RPS6KA5: variants seen among roughly 807,000 people sequenced by gnomAD.
RPS6KA5 encodes the protein ribosomal protein S6 kinase A5, also known as ribosomal protein S6 kinase alpha-5.
RPS6KA5 carries 27 observed loss-of-function variants against 85.5 expected under a neutral mutation model. That is an observed-to-expected ratio of 0.32 (90% CI 0.23 to 0.44). The LOEUF (loss-of-function observed/expected upper bound fraction) is 0.44, where lower values mean the gene tolerates loss of function less well. Ranked by LOEUF, RPS6KA5 falls within the 20% of genes least tolerant of loss-of-function variation. The probability of loss-of-function intolerance (pLI) is 1.00; values close to 1 mark genes in which losing one functional copy is unlikely to be tolerated. For missense variants in RPS6KA5, 811 were observed against 980.9 expected, an observed-to-expected ratio of 0.83 and a Z score of 2.31; for synonymous variants, 334 against 348.2, an observed-to-expected ratio of 0.96 and a Z score of 0.46.
At chr14:90,954,137 CTCTT>C (rs2038379359) in intron 3 of RPS6KA5, among the ~76,000 whole-genome samples, 1 of 152,216 alleles carries the variant, frequency 6.6e-6, no homozygotes, top group Non-Finnish European at 1.5e-5. Flanking sequence ...TGTTCTCTTT[CTCTT>C]TATTTCTCAG....
chr14:90,968,713 C>T (rs2039187713), intron 3 of RPS6KA5, among the ~76,000 whole-genome samples: 1 of 152,136 alleles, frequency 6.6e-6, no homozygotes, highest in Non-Finnish European at 1.5e-5. Flanking sequence ...CAAAAACTGC[C>T]TCTATGGATC....
intron 1 of RPS6KA5, among the ~76,000 whole-genome samples, chr14:91,014,735 A>T (rs1233697213): frequency 6.6e-6 from 1 of 152,072 alleles, no homozygotes; most frequent in Non-Finnish European, 1.5e-5. Flanking sequence ...TACATCCTCT[A>T]AAAAAATCCC....
rs1413176660 is a variant in RPS6KA5 at position 90,873,596 on chromosome 14, C to G, written c.2160+36G>C. ...AGAACATTTGATTATGATTCCTACT[C>G]AAACCGCCCAACATGTACAGAGCAC... On this transcript the variant is annotated intron_variant, in intron 16 of 16. Coordinates refer to ENST00000614987, the MANE Select transcript of RPS6KA5 (RefSeq NM_004755.4). 3.9e-6 allele frequency: 6 copies of G among 1,550,570 alleles called. No homozygotes were observed. In the African/African-American group the frequency reaches 8.2e-5, roughly 21 times the overall value.
chr14:90,993,282 A>G (rs565753353), intron 2 of RPS6KA5, among the ~76,000 whole-genome samples: 95 of 152,318 alleles, frequency 6.2e-4, no homozygotes, highest in African/African-American at 2.1e-3. Context: ...TCTACTAAAA[A>G]TACAAAAATT....
At chr14:91,040,850 AC>A (rs1046717052) in intron 1 of RPS6KA5, among the ~76,000 whole-genome samples, 1 of 152,198 alleles carries the variant, frequency 6.6e-6, no homozygotes, top group Non-Finnish European at 1.5e-5. Flanking sequence ...TTAGATTCAA[AC>A]TGAGACATTT....
At chr14:90,939,302 A>T (rs1038801728) in intron 5 of RPS6KA5, among the ~76,000 whole-genome samples, 4 of 152,132 alleles carry the variant, frequency 2.6e-5, no homozygotes, top group Non-Finnish European at 5.9e-5. Flanking sequence ...TTTTACTCAA[A>T]GCCATTCAAC....
rs1316268142 is a variant in RPS6KA5, at chr14:90,902,934, C to T, written c.993G>A (p.Val331=). The change falls in exon 9 of 17, where the codon GTG becomes GTA. Residue 331 remains valine (V), a synonymous_variant. Transcript: ENST00000614987. The part of the protein sequence containing the change: ...INWDDLAAKK[V]PAPFKPVIRD... ...GAATGACTGGCTTAAATGGTGCAGGCACTTTTTTGGCGGCTAAATCATCCC... is the reference window on the plus strand; with the variant it reads ...GAATGACTGGCTTAAATGGTGCAGGTACTTTTTTGGCGGCTAAATCATCCC... 3.1e-6 allele frequency: 5 copies of T among 1,613,324 alleles called. No individual in the cohort carries two copies. The highest frequency in any genetic ancestry group is 4.2e-6 in the Non-Finnish European group (5 of 1,179,632).
chr14:90,920,396 G>A, intron 6 of RPS6KA5, 87 bp from the exon 7 acceptor site: 1 of 945,548 alleles, frequency 1.1e-6, no homozygotes, highest in Admixed American at 2.2e-5. Flanking sequence ...CTATCTATTA[G>A]GAAAATGTTT....
chr14:90,957,343 TCATGAGC>T (rs1350023025), intron 3 of RPS6KA5, among the ~76,000 whole-genome samples: 3 of 152,166 alleles, frequency 2.0e-5, no homozygotes, highest in Admixed American at 2.0e-4. Flanking sequence ...GGGATTACCG[TCATGAGC>T]CACTGCACCT....
intron 14 of RPS6KA5, among the ~76,000 whole-genome samples, chr14:90,885,618 T>C (rs991107120): frequency 7.7e-6 from 1 of 129,400 alleles, no homozygotes; most frequent in Non-Finnish European, 1.6e-5. Context: ...GGCGGGCGCC[T>C]GTAGTCCCAG....
At chr14:90,966,496 A>T (rs1279986246) in intron 3 of RPS6KA5, among the ~76,000 whole-genome samples, 3 of 152,374 alleles carry the variant, frequency 2.0e-5, no homozygotes, top group Non-Finnish European at 2.9e-5. Context: ...CATAAAAAAT[A>T]TCTCCAAAGC....
chr14:90,922,756 T>C (rs959666162), intron 6 of RPS6KA5, among the ~76,000 whole-genome samples: 21 of 152,138 alleles, frequency 1.4e-4, no homozygotes, highest in African/African-American at 5.1e-4. Context: ...AATGGAGTCA[T>C]AGTTTGTACT....
chr14:91,054,231 T>C (rs1312334759), intron 1 of RPS6KA5, among the ~76,000 whole-genome samples: 19 of 152,008 alleles, frequency 1.2e-4, no homozygotes, highest in Admixed American at 1.1e-3. Flanking sequence ...GCTAAAGCCA[T>C]AAACTCTTAG....
intron 1 of RPS6KA5, among the ~76,000 whole-genome samples, chr14:91,001,404 ATTAAAGTGTT>A (rs1266420026): frequency 1.3e-5 from 2 of 152,222 alleles, no homozygotes; most frequent in Non-Finnish European, 2.9e-5. Context: ...ATTAACATAA[ATTAAAGTGTT>A]TATTAGACTC....
chr14:90,994,400 A>G (rs2040427607), intron 2 of RPS6KA5, among the ~76,000 whole-genome samples: 1 of 151,780 alleles, frequency 6.6e-6, no homozygotes, highest in South Asian at 2.1e-4. Context: ...TTTTTTTAGC[A>G]TGTATTATTC....
At chr14:90,973,121 A>G (rs550584342) in intron 3 of RPS6KA5, among the ~76,000 whole-genome samples, 2 of 152,322 alleles carry the variant, frequency 1.3e-5, no homozygotes, top group South Asian at 4.1e-4. Flanking sequence ...TACAACTTCT[A>G]TGGAAGTGTA....
chr14:90,869,778 T>C lies in RPS6KA5; in HGVS notation c.*2296A>G, dbSNP rs1262513733. ...TGCATAGGACCTAACTGCTTCAAAC[T>C]TGGCATCAAATGCTGTCTTTTTGGT... On this transcript the variant is annotated 3_prime_UTR_variant, in exon 17 of 17. Transcript: ENST00000614987. 4.6e-5 allele frequency: 7 copies of C among 152,218 alleles called. No homozygotes were observed. The highest frequency in any genetic ancestry group is 1.7e-4 in the African/African-American group (7 of 41,458). 9.4% of individuals were successfully genotyped at this position (152,218 alleles called of 1,614,324 possible). A position where few individuals can be genotyped will look rare whatever the true frequency, so the allele number is the denominator to read the frequency against.
intron 1 of RPS6KA5, among the ~76,000 whole-genome samples, chr14:91,050,994 G>T (rs563637917): frequency 6.6e-6 from 1 of 152,046 alleles, no homozygotes; most frequent in Non-Finnish European, 1.5e-5. Flanking sequence ...TTGGGAGGTC[G>T]AGGCAGGTGG....
At chr14:91,014,230 C>T (rs765382683) in intron 1 of RPS6KA5, among the ~76,000 whole-genome samples, 17 of 151,958 alleles carry the variant, frequency 1.1e-4, no homozygotes, top group Admixed American at 5.2e-4. Flanking sequence ...GGCCGGGGTA[C>T]GGTGGCTCAC....
Sources: allele counts gnomAD v4.1 joint callset (sites outside exome capture counted in the v4.1 genomes callset), GRCh38; gene constraint gnomAD v4.1.1; transcripts MANE v1.5; gene names NCBI Gene and HGNC (gene_info 2026-07-23, HGNC 2026-07-21).